DUSP22: variants seen among roughly 807,000 people sequenced by gnomAD.
DUSP22 encodes dual specificity phosphatase 22, also known as dual specificity protein phosphatase 22.
In DUSP22, 24 loss-of-function variants were observed where a neutral mutation model predicts 24.5. The ratio of observed to expected loss-of-function variants is 0.98; its 90% CI spans 0.71 to 1.38. DUSP22 has a LOEUF of 1.38. Among genes scored for constraint, DUSP22 ranks in the 40% most tolerant of loss-of-function variants. The pLI, the probability that DUSP22 is intolerant of heterozygous loss-of-function variation, is 0.00. For missense variants in DUSP22, 330 were observed against 269.2 expected, an observed-to-expected ratio of 1.23 and a Z score of -1.58; for synonymous variants, 160 against 106.4, an observed-to-expected ratio of 1.50 and a Z score of -3.10.
At chr6:318,527 T>C (rs1184224193) in intron 3 of DUSP22, among the ~76,000 whole-genome samples, 1 of 152,224 alleles carries the variant, frequency 6.6e-6, no homozygotes, top group Non-Finnish European at 1.5e-5. Context: ...AGGCCTCAGC[T>C]CTCAGGACCC....
chr6:331,610 A>G (rs973329602), intron 3 of DUSP22, among the ~76,000 whole-genome samples: 1 of 152,306 alleles, frequency 6.6e-6, no homozygotes, highest in Non-Finnish European at 1.5e-5. Flanking sequence ...CATTAGTACT[A>G]GGATACTTTT....
intron 1 of DUSP22, among the ~76,000 whole-genome samples, chr6:303,154 A>C (rs1185536947): frequency 6.6e-6 from 1 of 152,306 alleles, no homozygotes; most frequent in Non-Finnish European, 1.5e-5. Context: ...CGGGAATGAG[A>C]GACTACACAC....
chr6:317,868 G>A (rs918571190), intron 3 of DUSP22, among the ~76,000 whole-genome samples: 5 of 152,270 alleles, frequency 3.3e-5, no homozygotes, highest in Admixed American at 2.0e-4. Context: ...GTCTTATCAC[G>A]CATTTAGCCC....
chr6:323,734 C>T (rs1581169474), intron 3 of DUSP22, among the ~76,000 whole-genome samples: 1 of 152,310 alleles, frequency 6.6e-6, no homozygotes, highest in African/African-American at 2.4e-5. Flanking sequence ...GAGACTCCTA[C>T]TCTTGGAAAT....
At chr6:312,366 A>G (rs1428089531) in intron 3 of DUSP22, among the ~76,000 whole-genome samples, 1 of 152,278 alleles carries the variant, frequency 6.6e-6, no homozygotes, top group Non-Finnish European at 1.5e-5. Flanking sequence ...TACCACTGGC[A>G]TTCAGGGGTC....
chr6:303,971 T>G (rs549394792), intron 1 of DUSP22, among the ~76,000 whole-genome samples: 2 of 152,418 alleles, frequency 1.3e-5, no homozygotes, highest in South Asian at 4.1e-4. Context: ...CAAAGACGTG[T>G]TCTTCTTAAC....
chr6:304,454 C>T (rs528533298), intron 1 of DUSP22, among the ~76,000 whole-genome samples, 174 bp from the exon 2 acceptor site: 3 of 152,430 alleles, frequency 2.0e-5, no homozygotes, highest in Admixed American at 6.5e-5. Flanking sequence ...CACCAACCCA[C>T]GGCCTTCCAC....
At chr6:325,533 TG>T in intron 3 of DUSP22, 1 of 161,028 alleles carries the variant, frequency 6.2e-6, no homozygotes, top group Middle Eastern at 3.4e-3. Context: ...TTCCGCGTCC[TG>T]GTGTGTGCAA....
At chr6:313,883 G>A (rs1372936281) in intron 3 of DUSP22, among the ~76,000 whole-genome samples, 6 of 152,298 alleles carry the variant, frequency 3.9e-5, no homozygotes, top group Non-Finnish European at 4.4e-5. Context: ...TGAATTGGTG[G>A]TGCCCACATT....
At chr6:322,016 G>A (rs28379455) in intron 3 of DUSP22, among the ~76,000 whole-genome samples, 12,477 of 148,976 alleles carry the variant, frequency 0.084, 39 homozygotes, top group Non-Finnish European at 0.11. Context: ...GAGAGGTCTC[G>A]GCTGGACGTG....
chr6:350,622 C>G lies in DUSP22; in HGVS notation c.*1671C>G, dbSNP rs1488968617. 2.1e-6 allele frequency: 3 copies of G among 1,453,628 alleles called. No homozygotes were observed. The highest frequency in any genetic ancestry group is 2.8e-5 in the African/African-American group (2 of 70,308). The allele number at this position is 1,453,628 out of a possible 1,614,324, so 90.0% of individuals were successfully genotyped here. A position where few individuals can be genotyped will look rare whatever the true frequency, so the allele number is the denominator to read the frequency against. On this transcript the variant is annotated 3_prime_UTR_variant, in exon 7 of 7. Coordinates refer to ENST00000419235, the MANE Select transcript of DUSP22 (RefSeq NM_001286555.3). Reference sequence around the variant, plus strand: ...AAGGGGAGTGTGGCTGTAGAATCATCCATCCGTCTACAGCTAAAACAATTT... The same window carrying G: ...AAGGGGAGTGTGGCTGTAGAATCATGCATCCGTCTACAGCTAAAACAATTT...
chr6:337,529 T>C (rs1251309497), intron 4 of DUSP22, among the ~76,000 whole-genome samples: 2 of 152,304 alleles, frequency 1.3e-5, no homozygotes, highest in Admixed American at 6.5e-5. Flanking sequence ...CAGCTTCTTC[T>C]CTGAGTTCTA....
intron 2 of DUSP22, among the ~76,000 whole-genome samples, chr6:308,342 TTG>T (rs2127395483): frequency 6.6e-6 from 1 of 152,420 alleles, no homozygotes; most frequent in Non-Finnish European, 1.5e-5. Flanking sequence ...CTGCTCATGA[TTG>T]TAGGTCGCCT....
intron 3 of DUSP22, among the ~76,000 whole-genome samples, chr6:332,481 C>A (rs1272089171): frequency 6.6e-6 from 1 of 152,310 alleles, no homozygotes; most frequent in South Asian, 2.1e-4. Flanking sequence ...CTCATGGGAC[C>A]AGCCTGAGTT....
intron 3 of DUSP22, among the ~76,000 whole-genome samples, chr6:318,425 GC>G (rs1297895254): frequency 1.3e-5 from 2 of 152,312 alleles, no homozygotes; most frequent in Non-Finnish European, 2.9e-5. Flanking sequence ...TAAAGGGAGA[GC>G]CTCATTGCCT....
intron 3 of DUSP22, among the ~76,000 whole-genome samples, chr6:318,455 C>A (rs2127402086): frequency 6.6e-6 from 1 of 152,422 alleles, no homozygotes; most frequent in South Asian, 2.1e-4. Context: ...CCTCCAGCAG[C>A]CATTGAGGCT....
At chr6:306,499 C>T (rs796115162) in intron 2 of DUSP22, among the ~76,000 whole-genome samples, 99 of 152,384 alleles carry the variant, frequency 6.5e-4, no homozygotes, top group African/African-American at 2.3e-3. Context: ...GTGTTGTAAA[C>T]AGCCCACCAC....
chr6:310,276 T>C lies in DUSP22; in HGVS notation c.56-1604T>C, dbSNP rs567436838. ...ATGCCCGGCCTAAACATTTGCCTTC[T>C]GATCCATTTCTCCTGTATCATTTAG... On this transcript the variant is annotated intron_variant, in intron 2 of 6. Transcript: ENST00000419235. 1.4e-4 allele frequency among the ~76,000 whole-genome samples: 22 copies of C among 152,414 alleles called. No homozygotes were observed. The South Asian group carries it at 4.1e-3, about 29-fold the overall frequency.
At chr6:337,480 A>T (rs1392053752) in intron 4 of DUSP22, among the ~76,000 whole-genome samples, 1 of 152,296 alleles carries the variant, frequency 6.6e-6, no homozygotes, top group Non-Finnish European at 1.5e-5. Context: ...TACTTGAGAG[A>T]CCTGCTGACA....
Sources: allele counts gnomAD v4.1 joint callset (sites outside exome capture counted in the v4.1 genomes callset), GRCh38; gene constraint gnomAD v4.1.1; transcripts MANE v1.5; gene names NCBI Gene and HGNC (gene_info 2026-07-23, HGNC 2026-07-21).